The following SUPT3H variants were observed in gnomAD, a reference collection of about 807,000 sequenced individuals.
SUPT3H encodes transcription initiation protein SPT3 homolog.
SUPT3H carries 44 observed loss-of-function variants against 44.3 expected under a neutral mutation model. That is an observed-to-expected ratio of 0.99 (90% CI 0.78 to 1.28). SUPT3H has a LOEUF of 1.28. SUPT3H is among the 50% of genes most tolerant of loss of function. The pLI, the probability that SUPT3H is intolerant of heterozygous loss-of-function variation, is 0.00. For missense variants in SUPT3H, 380 were observed against 387.1 expected, an observed-to-expected ratio of 0.98 and a Z score of 0.15; for synonymous variants, 124 against 125.6, an observed-to-expected ratio of 0.99 and a Z score of 0.09.
chr6:45,315,478 A>C (rs1413738511), intron 2 of SUPT3H, among the ~76,000 whole-genome samples: 4 of 152,226 alleles, frequency 2.6e-5, no homozygotes, highest in African/African-American at 9.6e-5. Context: ...ACATGAATAG[A>C]CAACTCTCAA....
intron 2 of SUPT3H, among the ~76,000 whole-genome samples, chr6:45,139,417 T>C (rs773245831): frequency 6.6e-6 from 1 of 152,158 alleles, no homozygotes. Flanking sequence ...CCCACTTGGA[T>C]AGACAGAACA....
At position 45,249,632 on chromosome 6, in the gene SUPT3H, G is replaced by T. The variant is rs574902035; in HGVS notation, c.101+115569C>A. ...GACCTGAAGGCAGGGATCCACGGTGGCACTGACAACCAAAACACATTGTAA... is the reference window on the plus strand; with the variant it reads ...GACCTGAAGGCAGGGATCCACGGTGTCACTGACAACCAAAACACATTGTAA... On this transcript the variant is annotated intron_variant, in intron 2 of 10. Coordinates refer to ENST00000371459, the MANE Select transcript of SUPT3H (RefSeq NM_003599.4). 2.6e-5 allele frequency among the ~76,000 whole-genome samples: 4 copies of T among 152,256 alleles called. No homozygotes were observed. In the East Asian group the frequency reaches 7.7e-4, roughly 29 times the overall value.
chr6:44,926,412 A>C lies in SUPT3H; in HGVS notation c.912+6241T>G, dbSNP rs181195113. The stretch of plus-strand genomic sequence containing the variant: ...ATTAAGATAAATGGAGAACTGGGAA[A>C]AATACCTGCAACAAACCTGACAAAA... On this transcript the variant is annotated intron_variant, in intron 10 of 10. Transcript: ENST00000371459. Among the ~76,000 whole-genome samples, 96 of 152,202 alleles carry C rather than the reference A, an allele frequency of 6.3e-4. 1 individual carries two copies. The highest frequency in any genetic ancestry group is 5.2e-4 in the Non-Finnish European group (35 of 67,960).
intron 10 of SUPT3H, among the ~76,000 whole-genome samples, chr6:44,853,472 C>T (rs1032491091): frequency 7.2e-5 from 11 of 151,832 alleles, no homozygotes; most frequent in Admixed American, 2.6e-4. Context: ...CCAGTCTGGG[C>T]AACATAGTGG....
intron 2 of SUPT3H, among the ~76,000 whole-genome samples, chr6:45,224,756 C>A (rs535988972): frequency 5.5e-5 from 8 of 144,460 alleles, no homozygotes; most frequent in African/African-American, 2.1e-4. Context: ...CTAGCCTGGG[C>A]GAAAGAGTGA....
chr6:44,927,920 G>A (rs575979261), intron 10 of SUPT3H, among the ~76,000 whole-genome samples: 43 of 152,214 alleles, frequency 2.8e-4, no homozygotes, highest in Admixed American at 6.5e-4. Context: ...AATGGTTTCC[G>A]CTTACTTTGT....
intron 1 of SUPT3H, among the ~76,000 whole-genome samples, chr6:45,375,369 G>A (rs1028701447): frequency 6.6e-6 from 1 of 152,046 alleles, no homozygotes; most frequent in African/African-American, 2.4e-5. Context: ...AATTGTGCTG[G>A]AACAATCAGG....
intron 9 of SUPT3H, among the ~76,000 whole-genome samples, chr6:44,935,832 A>G (rs1228871683): frequency 1.3e-5 from 2 of 152,222 alleles, no homozygotes; most frequent in Admixed American, 6.5e-5. Context: ...GCAGAAAGTT[A>G]TACTGAAACT....
At chr6:44,889,580 T>C (rs1043965346) in intron 10 of SUPT3H, among the ~76,000 whole-genome samples, 12 of 152,224 alleles carry the variant, frequency 7.9e-5, no homozygotes, top group Non-Finnish European at 1.2e-4. Flanking sequence ...TGAAACTGGA[T>C]GCCTTCCTTA....
intron 11 of SUPT3H, among the ~76,000 whole-genome samples, chr6:44,818,984 A>C (rs981459541): frequency 3.9e-5 from 6 of 152,256 alleles, no homozygotes; most frequent in Non-Finnish European, 8.8e-5. Context: ...ACCCAATACA[A>C]ATGAACACGT....
At chr6:45,058,921 T>TA (rs1234387983) in intron 3 of SUPT3H, among the ~76,000 whole-genome samples, 2 of 152,136 alleles carry the variant, frequency 1.3e-5, no homozygotes, top group African/African-American at 4.8e-5. Flanking sequence ...AAAGCTGTTT[T>TA]TGATGCTTTA....
chr6:45,244,040 C>T (rs573253022), intron 2 of SUPT3H, among the ~76,000 whole-genome samples: 3 of 152,086 alleles, frequency 2.0e-5, no homozygotes, highest in Admixed American at 1.3e-4. Context: ...TGCCACCACA[C>T]CTGGCTAATT....
At chr6:45,235,492 T>C (rs1320179341) in intron 2 of SUPT3H, among the ~76,000 whole-genome samples, 1 of 152,074 alleles carries the variant, frequency 6.6e-6, no homozygotes, top group Non-Finnish European at 1.5e-5. Flanking sequence ...TAACTTTATA[T>C]TTACAGGATA....
intron 2 of SUPT3H, among the ~76,000 whole-genome samples, chr6:45,351,553 T>A (rs1324515705): frequency 2.0e-5 from 3 of 152,172 alleles, no homozygotes; most frequent in Admixed American, 1.3e-4. Context: ...ACGATGAGAT[T>A]TCCAAGGTGA....
At chr6:44,990,122 C>T (rs988383641) in intron 6 of SUPT3H, among the ~76,000 whole-genome samples, 1 of 152,054 alleles carries the variant, frequency 6.6e-6, no homozygotes, top group Non-Finnish European at 1.5e-5. Flanking sequence ...GAGTTTTACA[C>T]TTTTATGTTT....
chr6:44,879,106 G>A (rs1777773651), intron 10 of SUPT3H, among the ~76,000 whole-genome samples: 3 of 152,278 alleles, frequency 2.0e-5, no homozygotes, highest in Admixed American at 2.0e-4. Context: ...GGGGGCTGAA[G>A]CCAGGGAGCC....
chr6:45,201,496 ACT>A (rs914562660), intron 2 of SUPT3H, among the ~76,000 whole-genome samples: 12 of 151,740 alleles, frequency 7.9e-5, no homozygotes, highest in Admixed American at 3.9e-4. Context: ...ATATCAACAC[ACT>A]CTGTAAAATT....
chr6:45,023,710 T>A (rs2153519881), intron 3 of SUPT3H, among the ~76,000 whole-genome samples: 1 of 114,894 alleles, frequency 8.7e-6, no homozygotes, highest in East Asian at 2.6e-4. Context: ...AGCTAAATGA[T>A]GAGCACTTAT....
intron 2 of SUPT3H, chr6:45,251,105 C>G (rs940498217): frequency 1.3e-5 from 2 of 152,090 alleles, no homozygotes; most frequent in African/African-American, 4.8e-5. Flanking sequence ...CCACCGTTCC[C>G]AGCCAGGACT....
Sources: allele counts gnomAD v4.1 joint callset (sites outside exome capture counted in the v4.1 genomes callset), GRCh38; gene constraint gnomAD v4.1.1; transcripts MANE v1.5; gene names NCBI Gene and HGNC (gene_info 2026-07-23, HGNC 2026-07-21).